The following ATP2A3 variants were observed in gnomAD, a reference collection of about 807,000 sequenced individuals.
The protein encoded by ATP2A3 is ATPase sarcoplasmic/endoplasmic reticulum Ca2+ transporting 3, also known as sarcoplasmic/endoplasmic reticulum calcium ATPase 3.
A neutral mutation model predicts 106.8 loss-of-function variants in ATP2A3; 61 were observed. That is an observed-to-expected ratio of 0.57 (90% confidence interval 0.46 to 0.71). The LOEUF is 0.71. Among genes scored for constraint, ATP2A3 ranks in the 30% least tolerant of loss-of-function variants. The pLI is 0.00. For missense variants in ATP2A3, 1,201 were observed against 1,423.5 expected, an observed-to-expected ratio of 0.84 and a Z score of 2.52; for synonymous variants, 611 against 609.3, an observed-to-expected ratio of 1.00 and a Z score of -0.04.
Position 3,937,607 on chromosome 17 carries a change from G to A in ATP2A3, c.2130C>T (p.Ala710=). Residue 710 remains alanine, a synonymous_variant, in exon 15 of 21, where the codon GCC becomes GCT. Transcript: ENST00000397041. ...CGATGCCGATCTCTGCTTTCTTCAGGGCTGGTGCGTCGTTCACTCCATCGC... is the reference window on the plus strand; with the variant it reads ...CGATGCCGATCTCTGCTTTCTTCAGAGCTGGTGCGTCGTTCACTCCATCGC... ...MTGDGVNDAP[A]LKKAEIGIAM... 1.2e-6 allele frequency: 2 copies of A among 1,613,954 alleles called. No homozygotes were observed. Among genetic ancestry groups the A allele is most frequent in the Non-Finnish European group, 1.7e-6 (2 of 1,179,978 alleles).
At chr17:3,943,014 G>A (rs2053870175) in intron 11 of ATP2A3, among the ~76,000 whole-genome samples, 1 of 152,168 alleles carries the variant, frequency 6.6e-6, no homozygotes, top group Admixed American at 6.5e-5. Flanking sequence ...TCAGCCAGGA[G>A]CGGTGGCTCA....
At position 3,936,165 on chromosome 17, in the gene ATP2A3, C is replaced by T. The variant is rs1217710814; in HGVS notation, c.2524+102G>A. The T allele has an allele frequency of 1.4e-6, 2 of 1,453,330 alleles. No homozygotes were observed. The highest frequency in any genetic ancestry group is 1.4e-5 in the African/African-American group (1 of 71,320). 90.0% of individuals were successfully genotyped at this position (1,453,330 alleles called of 1,614,324 possible). ...ATTACATGAGCTCATACAGTTTCTACTGGCACAAGCCAGGCTGAGTCACAC... is the reference window on the plus strand; with the variant it reads ...ATTACATGAGCTCATACAGTTTCTATTGGCACAAGCCAGGCTGAGTCACAC... On this transcript the variant is annotated intron_variant, in intron 16 of 20. Coordinates refer to ENST00000397041, the MANE Select transcript of ATP2A3 (RefSeq NM_005173.4). This position sits in a 1 kb window ranked among gnomAD's most constrained non-coding sequence, Gnocchi z 5.4.
At position 3,953,656 on chromosome 17, in the gene ATP2A3, C is replaced by T. The variant is rs1166724225; in HGVS notation, c.136+37G>A. ...GACAGAGAACGACCCAGGGATGCTG[C>T]CCGCGGCCTAGAGGTCCATCCCGGT... On this transcript the variant is annotated intron_variant, in intron 2 of 20. Coordinates refer to ENST00000397041, the MANE Select transcript of ATP2A3 (RefSeq NM_005173.4). The surrounding 1 kb of genome is among the most constrained non-coding windows in gnomAD (Gnocchi z 5.1). 6.4e-7 allele frequency: 1 copy of T among 1,558,794 alleles called. No individual in the cohort carries two copies. The highest frequency in any genetic ancestry group is 8.7e-7 in the Non-Finnish European group (1 of 1,150,924).
rs67730207 is a variant in ATP2A3 at position 3,955,887 on chromosome 17, A to ATTTTTT, written c.119-2183_119-2178dup. On this transcript the variant is annotated intron_variant, in intron 1 of 20. Transcript: ENST00000397041. The surrounding 1 kb of genome is among the most constrained non-coding windows in gnomAD (Gnocchi z 4.2). ...CCTTTCTCTTATTTTATTTTATTTT[A>ATTTTTT]TTTTTTTTTTTTGAGATGGAGTCTT... Among the ~76,000 whole-genome samples the ATTTTTT allele has an allele frequency of 6.9e-6, 1 of 143,958 alleles. No homozygotes were observed. The highest frequency in any genetic ancestry group is 1.5e-5 in the Non-Finnish European group (1 of 66,506). The allele number at this position is 143,958 out of a possible 152,430, so 94.4% of individuals were successfully genotyped here.
intron 1 of ATP2A3, among the ~76,000 whole-genome samples, chr17:3,958,887 C>CATAT (rs1246942368): frequency 0.016 from 1,602 of 99,882 alleles, 50 homozygotes; most frequent in Middle Eastern, 0.026. Flanking sequence ...CACACACACA[C>CATAT]ATATATATAT....
Position 3,964,394 on chromosome 17 carries a change from C to G in ATP2A3, c.-103G>C, listed in dbSNP as rs2055325576. On this transcript the variant is annotated 5_prime_UTR_variant, in exon 1 of 21. Transcript: ENST00000397041. ...GGGACTCGGGCCCGGGCGGGCGCCG[C>G]GCGAGGCCATGTCCGTGCTGGGACC... The G allele has an allele frequency of 1.8e-6, 1 of 566,798 alleles. No homozygotes were observed. Among genetic ancestry groups the G allele is most frequent in the Admixed American group, 5.7e-5 (1 of 17,396 alleles). 35.1% of individuals were successfully genotyped at this position (566,798 alleles called of 1,614,324 possible). A position where few individuals can be genotyped will look rare whatever the true frequency, so the allele number is the denominator to read the frequency against.
At chr17:3,945,024 G>A in intron 9 of ATP2A3, 36 bp downstream of exon 9, 1 of 1,471,184 alleles carries the variant, frequency 6.8e-7, no homozygotes. Flanking sequence ...CCGCCCCCAG[G>A]CCGCCCGCCC....
At chr17:3,949,244 T>C (rs2054285121) in intron 7 of ATP2A3, among the ~76,000 whole-genome samples, 1 of 152,108 alleles carries the variant, frequency 6.6e-6, no homozygotes, top group Non-Finnish European at 1.5e-5. Context: ...GGCCATTGTC[T>C]GACTGGCCTG....
chr17:3,945,308 C>G, intron 8 of ATP2A3, 160 bp from the exon 9 acceptor site: 1 of 596,952 alleles, frequency 1.7e-6, no homozygotes, highest in South Asian at 2.1e-5. Context: ...AACGCAGGGT[C>G]CAGGCTGAGG....
intron 3 of ATP2A3, among the ~76,000 whole-genome samples, chr17:3,952,750 C>T (rs771080187): frequency 1.3e-5 from 2 of 152,136 alleles, no homozygotes; most frequent in South Asian, 2.1e-4. Context: ...CCACCGCACT[C>T]GGCTAATGTT....
At chr17:3,937,025 A>G (rs2053486827) in intron 15 of ATP2A3, 1 of 353,224 alleles carries the variant, frequency 2.8e-6, no homozygotes, top group East Asian at 7.1e-5. Context: ...AAATATACAC[A>G]TTACACACAC....
At position 3,947,559 on chromosome 17, in the gene ATP2A3, C is replaced by T. The variant is rs142744071; in HGVS notation, c.927G>A (p.Glu309=). Residue 309 remains glutamate, a synonymous_variant, in exon 8 of 21, where the codon GAG becomes GAA. Transcript: ENST00000397041. This position sits in a 1 kb window ranked among gnomAD's most constrained non-coding sequence, Gnocchi z 7.7. The stretch of plus-strand genomic sequence containing the variant: ...ATGTAGTGATGACAGCCGGGAGGCC[C>T]TCGGGGATGGCCGCCACCGCCAGGG... ...AVALAVAAIP[E]GLPAVITTCL... 267 of 1,612,964 alleles carry T rather than the reference C, an allele frequency of 1.7e-4. No individual in the cohort carries two copies. The African/African-American group carries it at 3.2e-3, about 19-fold the overall frequency.
chr17:3,958,741 T>C (rs2054933881), intron 1 of ATP2A3, among the ~76,000 whole-genome samples: 1 of 65,584 alleles, frequency 1.5e-5, no homozygotes, highest in Non-Finnish European at 3.2e-5. Flanking sequence ...CACATATATA[T>C]AGACACACAT....
At position 3,950,673 on chromosome 17, in the gene ATP2A3, C is replaced by A. The variant is rs200225843; in HGVS notation, c.544+20G>T. 5.7e-5 allele frequency: 92 copies of A among 1,613,904 alleles called. No homozygotes were observed. In the East Asian group the frequency reaches 1.8e-3, roughly 32 times the overall value. ...TTAGTCCTGGCCCACTAGGTCCCGGCCTCCTGGGGGGGGCCTCACCCGTCA... is the reference window on the plus strand; with the variant it reads ...TTAGTCCTGGCCCACTAGGTCCCGGACTCCTGGGGGGGGCCTCACCCGTCA... On this transcript the variant is annotated intron_variant, in intron 6 of 20. Coordinates refer to ENST00000397041, the MANE Select transcript of ATP2A3 (RefSeq NM_005173.4).
At chr17:3,949,214 C>T (rs1240022497) in intron 7 of ATP2A3, among the ~76,000 whole-genome samples, 2 of 152,112 alleles carry the variant, frequency 1.3e-5, no homozygotes, top group East Asian at 3.8e-4. Context: ...TTTTCTATCC[C>T]CCGATAACTT....
chr17:3,925,479 G>A lies in ATP2A3; in HGVS notation c.2981-38C>T. On this transcript the variant is annotated intron_variant, in intron 20 of 20. Coordinates refer to ENST00000397041, the MANE Select transcript of ATP2A3 (RefSeq NM_005173.4). The surrounding 1 kb of genome is among the most constrained non-coding windows in gnomAD (Gnocchi z 4.2). Reference sequence around the variant, plus strand: ...CCCAAGAGCGCGTTAAGATGTATGTGTAAGGGCACACATCCAGACAGCTTC... The same window carrying A: ...CCCAAGAGCGCGTTAAGATGTATGTATAAGGGCACACATCCAGACAGCTTC... The A allele has an allele frequency of 1.2e-6, 2 of 1,601,152 alleles. No individual in the cohort carries two copies. Among genetic ancestry groups the A allele is most frequent in the Non-Finnish European group, 1.7e-6 (2 of 1,174,416 alleles).
At chr17:3,950,247 C>T (rs986449002) in intron 7 of ATP2A3, among the ~76,000 whole-genome samples, 16 of 151,438 alleles carry the variant, frequency 1.1e-4, no homozygotes, top group Non-Finnish European at 1.5e-4. Flanking sequence ...CTGCAACCTC[C>T]GCCTCCCGGG....
chr17:3,932,594 C>T (rs909187227), intron 17 of ATP2A3, among the ~76,000 whole-genome samples: 3 of 152,226 alleles, frequency 2.0e-5, no homozygotes, highest in African/African-American at 7.2e-5. Context: ...CCTGAGCCGT[C>T]ACTGTTGGCT....
rs1444700170 is a variant in ATP2A3 at position 3,924,575 on chromosome 17, A to G, written c.*847T>C. 1 of 351,354 alleles carries G rather than the reference A, an allele frequency of 2.8e-6. No individual in the cohort carries two copies. Among genetic ancestry groups the G allele is most frequent in the African/African-American group, 2.2e-5 (1 of 46,402 alleles). 21.8% of individuals were successfully genotyped at this position (351,354 alleles called of 1,614,324 possible). Reference sequence around the variant, plus strand: ...CCTGAGGATGTCGGTGGTCTCAGGTACCAGGGACGCGGGTGGCAAGTTGGA... The same window carrying G: ...CCTGAGGATGTCGGTGGTCTCAGGTGCCAGGGACGCGGGTGGCAAGTTGGA... On this transcript the variant is annotated 3_prime_UTR_variant, in exon 21 of 21. Transcript: ENST00000397041. This position sits in a 1 kb window ranked among gnomAD's most constrained non-coding sequence, Gnocchi z 6.4.
Sources: gnomAD v4.1 joint callset for allele counts (sites outside exome capture counted in the v4.1 genomes callset) on GRCh38, gnomAD v4.1.1 for gene constraint, Gnocchi (gnomAD v3.1) non-coding constraint, MANE v1.5 for transcripts, NCBI Gene and HGNC (gene_info 2026-07-23, HGNC 2026-07-21) for gene names.